Variants in ELN observed in about 807,000 individuals in gnomAD.
ELN encodes the protein elastin, also known as tropoelastin.
Under a neutral mutation model 105.8 loss-of-function variants are expected in ELN, and 65 were observed. The observed-to-expected ratio is 0.61, with a 90% confidence interval of 0.50 to 0.75. The LOEUF is 0.75. Among genes scored for constraint, ELN ranks in the 30% least tolerant of loss-of-function variants. The pLI is 0.00. For synonymous variants in ELN, 368 were observed against 389.2 expected, an observed-to-expected ratio of 0.95 and a Z score of 0.64; for missense variants, 882 against 969.4, an observed-to-expected ratio of 0.91 and a Z score of 1.20.
chr7:74,028,727 G>A (rs1787994630), intron 1 of ELN, among the ~76,000 whole-genome samples: 1 of 152,200 alleles, frequency 6.6e-6, no homozygotes, highest in Non-Finnish European at 1.5e-5. Flanking sequence ...TGTGACCTCA[G>A]CAGGTTCCTT....
At position 74,036,973 on chromosome 7, in the gene ELN, A is replaced by C. The variant is rs563529193; in HGVS notation, c.163+389A>C. 3.3e-5 allele frequency among the ~76,000 whole-genome samples: 5 copies of C among 151,980 alleles called. No homozygotes were observed. The East Asian group carries it at 7.8e-4, about 24-fold the overall frequency. ...TTAGCGAGGACTACAGGCGCGTGCC[A>C]CCACGCCCAGCTTATTTTTGTATTT... is the stretch of plus-strand genomic sequence containing the variant. On this transcript the variant is annotated intron_variant, in intron 3 of 32. Coordinates refer to ENST00000252034, the MANE Select transcript of ELN (RefSeq NM_000501.4).
chr7:74,036,428 C>A, intron 2 of ELN, 127 bp from the exon 3 acceptor site: 2 of 1,246,800 alleles, frequency 1.6e-6, no homozygotes, highest in Non-Finnish European at 2.3e-6. Flanking sequence ...CCGAGGCTTG[C>A]AGAGAGCAGG....
chr7:74,054,339 G>A (rs1794795872), intron 18 of ELN, among the ~76,000 whole-genome samples: 1 of 152,106 alleles, frequency 6.6e-6, no homozygotes, highest in Non-Finnish European at 1.5e-5. Flanking sequence ...GCATGGTGGT[G>A]GGTGCCTGTA....
chr7:74,056,458 G>A, intron 20 of ELN, 23 bp downstream of exon 20: 1 of 1,613,152 alleles, frequency 6.2e-7, no homozygotes, highest in Non-Finnish European at 8.5e-7. Flanking sequence ...CACACCTGGG[G>A]ACATGGGTTG....
Position 74,060,067 on chromosome 7 carries a change from G to A in ELN, c.1576+20G>A. 5.0e-6 allele frequency: 8 copies of A among 1,614,108 alleles called. No homozygotes were observed. The highest frequency in any genetic ancestry group is 6.8e-6 in the Non-Finnish European group (8 of 1,180,010). On this transcript the variant is annotated intron_variant, in intron 23 of 32. Coordinates refer to ENST00000252034, the MANE Select transcript of ELN (RefSeq NM_000501.4). The stretch of plus-strand genomic sequence containing the variant: ...TTGCAGGTGAGTTTCATGAGTCAAT[G>A]AGCCTGAGGGGCCCCCGAAGCCTCC...
At chr7:74,061,776 C>T (rs1310119566) in intron 26 of ELN, among the ~76,000 whole-genome samples, 2 of 152,166 alleles carry the variant, frequency 1.3e-5, no homozygotes, top group Non-Finnish European at 2.9e-5. Context: ...ACCAAAAACA[C>T]CCTTGAAATC....
chr7:74,051,338 G>A (rs1225277497), intron 15 of ELN, among the ~76,000 whole-genome samples: 4 of 152,198 alleles, frequency 2.6e-5, no homozygotes, highest in Admixed American at 1.3e-4. Flanking sequence ...ATGTGGGAGC[G>A]GGAGAGCAGG....
intron 1 of ELN, among the ~76,000 whole-genome samples, chr7:74,031,585 T>C (rs1554662239): frequency 6.6e-6 from 1 of 151,914 alleles, no homozygotes; most frequent in Non-Finnish European, 1.5e-5. Flanking sequence ...CCAGGAAGGC[T>C]TCCCAGCAGA....
At chr7:74,028,396 TC>T in intron 1 of ELN, 127 bp downstream of exon 1, 1 of 1,126,394 alleles carries the variant, frequency 8.9e-7, no homozygotes, top group Non-Finnish European at 1.3e-6. Flanking sequence ...TGGGAGCCCC[TC>T]AGCCACTGGG....
chr7:74,031,880 G>GGAAGGAAGGAAA lies in ELN; in HGVS notation c.83-3473_83-3472insAGAAGGAAGGAA, dbSNP rs1264540299. On this transcript the variant is annotated intron_variant, in intron 1 of 32. Transcript: ENST00000252034. ...AGGAAAGAAGGAAGGAAGGAAGGAAGGAAGGAAGGAAGGAAGGAAGGAAGG... is the reference window on the plus strand; with the variant it reads ...AGGAAAGAAGGAAGGAAGGAAGGAAGGAAGGAAGGAAAGAAGGAAGGAAGGAAGGAAGGAAGG... 5.3e-5 allele frequency among the ~76,000 whole-genome samples: 8 copies of GGAAGGAAGGAAA among 149,664 alleles called. No individual in the cohort carries two copies. In the Admixed American group the frequency reaches 5.3e-4, roughly 10 times the overall value.
intron 29 of ELN, among the ~76,000 whole-genome samples, chr7:74,064,331 C>T (rs562200728): frequency 5.8e-4 from 88 of 151,440 alleles, no homozygotes; most frequent in Non-Finnish European, 1.1e-3. Flanking sequence ...AGAAGAATGG[C>T]GTGAACCTGG....
chr7:74,065,065 AC>A (rs141630252), intron 29 of ELN, among the ~76,000 whole-genome samples: 43 of 147,082 alleles, frequency 2.9e-4, no homozygotes, highest in East Asian at 1.0e-3. Flanking sequence ...ATGTAGCAAG[AC>A]CCCCCCCCAC....
chr7:74,030,465 AT>A (rs781804483), intron 1 of ELN, among the ~76,000 whole-genome samples: 1,631 of 141,964 alleles, frequency 0.011, 16 homozygotes, highest in African/African-American at 0.019. Context: ...AGTATCAGGG[AT>A]TTTTTTTTTT....
intron 3 of ELN, 86 bp downstream of exon 3, chr7:74,036,670 G>A: frequency 6.3e-7 from 1 of 1,588,754 alleles, no homozygotes; most frequent in Non-Finnish European, 8.6e-7. Flanking sequence ...GAGAACCCTG[G>A]GAGACCCGAG....
intron 22 of ELN, 83 bp downstream of exon 22, chr7:74,057,779 C>T: frequency 6.6e-7 from 1 of 1,513,126 alleles, no homozygotes; most frequent in Non-Finnish European, 9.1e-7. Flanking sequence ...CGCCCAGCTT[C>T]CTGTTCCTTT....
intron 17 of ELN, 37 bp downstream of exon 17, chr7:74,052,020 G>A: frequency 1.2e-6 from 2 of 1,611,178 alleles, no homozygotes; most frequent in South Asian, 2.2e-5. Flanking sequence ...CACGGCTCGG[G>A]CCCCTGCATA....
rs1300850235 is a variant in ELN at position 74,068,638 on chromosome 7, T to C, written c.2132-19T>C. The C allele has an allele frequency of 6.2e-7, 1 of 1,614,004 alleles. No individual in the cohort carries two copies. Among genetic ancestry groups the C allele is most frequent in the Non-Finnish European group, 8.5e-7 (1 of 1,180,006 alleles). On this transcript the variant is annotated intron_variant, in intron 32 of 32. Coordinates refer to ENST00000252034, the MANE Select transcript of ELN (RefSeq NM_000501.4). ...GAGAGGGGCCGGACTCACAGTGATG[T>C]GCACCTCCTCCCGTCCAGGTGGGGC...
rs368610108 is a variant in ELN, at chr7:74,051,811, G to A, written c.861G>A (p.Gly287=). Residue 287 remains glycine (G), a synonymous_variant, in exon 16 of 33, where the codon GGG becomes GGA. Transcript: ENST00000252034. ...GGGCTGGTGTTCCTGGCGTGCCTGG[G>A]GCAATTCCTGGAATTGGAGGCATCG... ...VGGAGVPGVP[G]AIPGIGGIAG... The A allele has an allele frequency of 3.3e-4, 536 of 1,614,242 alleles. 1 individual carries two copies. The highest frequency in any genetic ancestry group is 4.0e-4 in the Non-Finnish European group (469 of 1,180,042).
intron 16 of ELN, 21 bp from the exon 17 acceptor site, chr7:74,051,903 C>G: frequency 6.2e-7 from 1 of 1,614,128 alleles, no homozygotes; most frequent in East Asian, 2.2e-5. Flanking sequence ...AGGACCTCAC[C>G]CTCTGTGGCT....
Sources: gnomAD v4.1 joint callset for allele counts (sites outside exome capture counted in the v4.1 genomes callset) on GRCh38, gnomAD v4.1.1 for gene constraint, MANE v1.5 for transcripts, NCBI Gene and HGNC (gene_info 2026-07-23, HGNC 2026-07-21) for gene names.